Variants in L3MBTL4 observed in about 807,000 individuals in gnomAD.
L3MBTL4 encodes lethal(3)malignant brain tumor-like protein 4.
Under a neutral mutation model 84.5 loss-of-function variants are expected in L3MBTL4, and 70 were observed. The ratio of observed to expected loss-of-function variants is 0.83; its 90% CI spans 0.68 to 1.01. L3MBTL4 has a LOEUF of 1.01. Among genes scored for constraint, L3MBTL4 ranks in the 50% least tolerant of loss-of-function variants. L3MBTL4 has a pLI of 0.00. For synonymous variants in L3MBTL4, 274 were observed against 259.8 expected (o/e 1.05, Z -0.52); for missense variants, 715 against 754.8 (o/e 0.95, Z 0.62).
intron 1 of L3MBTL4, among the ~76,000 whole-genome samples, chr18:6,404,367 G>T (rs780051827): frequency 2.6e-5 from 4 of 152,174 alleles, no homozygotes; most frequent in African/African-American, 7.2e-5. Context: ...GAGCATAGGG[G>T]ACAAGTGCAC....
intron 1 of L3MBTL4, among the ~76,000 whole-genome samples, chr18:6,345,215 CAAAAAAAA>C (rs35502624): frequency 1.6e-4 from 6 of 38,498 alleles, no homozygotes; most frequent in South Asian, 1.2e-3. Context: ...TACTAAAATA[CAAAAAAAA>C]AAAAAAAAAA....
chr18:5,974,307 G>A (rs558585493), intron 16 of L3MBTL4, among the ~76,000 whole-genome samples: 181 of 152,186 alleles, frequency 1.2e-3, no homozygotes, highest in Non-Finnish European at 1.8e-3. Context: ...CAGCTGCAGG[G>A]TCTGAAGAGG....
intron 13 of L3MBTL4, among the ~76,000 whole-genome samples, chr18:6,170,036 T>C (rs1443721107): frequency 6.6e-6 from 1 of 152,128 alleles, no homozygotes. Flanking sequence ...CTGAATTCTA[T>C]CCATTCATTT....
chr18:6,270,049 G>T (rs982907887), intron 4 of L3MBTL4, among the ~76,000 whole-genome samples: 2 of 152,206 alleles, frequency 1.3e-5, no homozygotes, highest in South Asian at 2.1e-4. Flanking sequence ...TATGCTGCAC[G>T]TGACTTCATC....
intron 10 of L3MBTL4, among the ~76,000 whole-genome samples, chr18:6,217,780 C>T (rs981025736): frequency 6.6e-6 from 1 of 152,118 alleles, no homozygotes; most frequent in Non-Finnish European, 1.5e-5. Flanking sequence ...CTTTTGGATA[C>T]ATTTATGTAT....
rs368373667 is a variant in L3MBTL4, at chr18:6,034,974, T to C, written c.1444+45907A>G. The stretch of plus-strand genomic sequence containing the variant: ...TTGAGAAGTGTCTGTTCATGTCCTT[T>C]GCCCACTTTTTGATGGGGTTGTTTG... On this transcript the variant is annotated intron_variant, in intron 16 of 18. Coordinates refer to ENST00000317931, the MANE Select transcript of L3MBTL4 (RefSeq NM_001330559.2). Among the ~76,000 whole-genome samples, 29 of 151,056 alleles carry C rather than the reference T, an allele frequency of 1.9e-4. No individual in the cohort carries two copies. In the East Asian group the frequency reaches 2.9e-3, roughly 15 times the overall value.
chr18:6,166,002 G>C (rs1431147296), intron 13 of L3MBTL4, among the ~76,000 whole-genome samples: 1 of 151,644 alleles, frequency 6.6e-6, no homozygotes, highest in African/African-American at 2.4e-5. Flanking sequence ...CAAGCAAATG[G>C]AAAACAAAAA....
chr18:6,125,069 T>A (rs1048383656), intron 14 of L3MBTL4, among the ~76,000 whole-genome samples: 1 of 152,064 alleles, frequency 6.6e-6, no homozygotes, highest in Non-Finnish European at 1.5e-5. Context: ...GAAACGCATC[T>A]GAAAAAAACA....
chr18:6,002,908 G>T (rs1446952527), intron 16 of L3MBTL4, among the ~76,000 whole-genome samples: 1 of 151,402 alleles, frequency 6.6e-6, no homozygotes, highest in African/African-American at 2.4e-5. Context: ...TGGCAGAGTG[G>T]ATAAAAACCA....
At position 6,093,480 on chromosome 18, in the gene L3MBTL4, T is replaced by C; in HGVS notation, c.1248A>G (p.Thr416=). 4 of 1,613,812 alleles carry C rather than the reference T, an allele frequency of 2.5e-6. No individual in the cohort carries two copies. The highest frequency in any genetic ancestry group is 3.4e-6 in the Non-Finnish European group (4 of 1,179,924). ...TTTGTTCTCTCAAACGATCGTGAAG[T>C]GTTGCCTCCTTTTTCAAGTTCATGT... ...YSDMNLKKEA[T]LHDRLREQTQ... Residue 416 remains threonine (T), a synonymous_variant, in exon 15 of 19, where the codon ACA becomes ACG. Coordinates refer to ENST00000317931, the MANE Select transcript of L3MBTL4 (RefSeq NM_001330559.2).
chr18:5,978,153 G>A (rs142862279), intron 16 of L3MBTL4, among the ~76,000 whole-genome samples: 93 of 152,298 alleles, frequency 6.1e-4, no homozygotes, highest in African/African-American at 2.2e-3. Flanking sequence ...AAAACAGTGA[G>A]TTTTTATCCT....
intron 1 of L3MBTL4, among the ~76,000 whole-genome samples, chr18:6,351,123 G>C (rs570834417): frequency 6.6e-6 from 1 of 152,202 alleles, no homozygotes; most frequent in East Asian, 1.9e-4. Context: ...TTGAACGAGG[G>C]AGGCGGAGGT....
chr18:6,282,914 C>G (rs16949794), intron 4 of L3MBTL4, among the ~76,000 whole-genome samples: 26,881 of 152,012 alleles, frequency 0.18, 2,442 homozygotes, highest in East Asian at 0.23. Flanking sequence ...TCAGATTGCC[C>G]AAGGGAAGTA....
chr18:6,253,581 T>C (rs1016085192), intron 5 of L3MBTL4, among the ~76,000 whole-genome samples: 1 of 152,162 alleles, frequency 6.6e-6, no homozygotes, highest in African/African-American at 2.4e-5. Flanking sequence ...TTGAAATAAA[T>C]TGTCAAATTT....
At chr18:6,258,764 T>C (rs754171323) in intron 5 of L3MBTL4, 1 of 152,048 alleles carries the variant, frequency 6.6e-6, no homozygotes, top group Non-Finnish European at 1.5e-5. Flanking sequence ...AGGAGGTGGA[T>C]GGACTGTCAC....
At chr18:6,172,148 A>T (rs1237502354) in intron 12 of L3MBTL4, among the ~76,000 whole-genome samples, 2 of 152,220 alleles carry the variant, frequency 1.3e-5, no homozygotes, top group African/African-American at 4.8e-5. Flanking sequence ...CAAAGAAATT[A>T]AAGTGGTTGG....
intron 1 of L3MBTL4, among the ~76,000 whole-genome samples, chr18:6,366,858 G>A (rs959649575): frequency 6.6e-6 from 1 of 152,212 alleles, no homozygotes; most frequent in Non-Finnish European, 1.5e-5. Flanking sequence ...GCTTTAAAAG[G>A]AAATTCGTGA....
At chr18:6,002,561 G>A (rs1188641453) in intron 16 of L3MBTL4, among the ~76,000 whole-genome samples, 1 of 152,052 alleles carries the variant, frequency 6.6e-6, no homozygotes, top group African/African-American at 2.4e-5. Context: ...TGAGAATGGA[G>A]CTATATAGGA....
chr18:6,010,046 C>G (rs772811962), intron 16 of L3MBTL4, among the ~76,000 whole-genome samples: 27 of 151,862 alleles, frequency 1.8e-4, no homozygotes, highest in Non-Finnish European at 2.9e-4. Context: ...TCTTTAAAAT[C>G]GATGTTTCCC....
Sources: gnomAD v4.1 joint callset for allele counts (sites outside exome capture counted in the v4.1 genomes callset) on GRCh38, gnomAD v4.1.1 for gene constraint, MANE v1.5 for transcripts, NCBI Gene and HGNC (gene_info 2026-07-23, HGNC 2026-07-21) for gene names.